The following CTNNA3 variants were observed in gnomAD, a reference collection of about 807,000 sequenced individuals.
CTNNA3 encodes the protein catenin alpha 3.
In CTNNA3, 76 loss-of-function variants were observed where a neutral mutation model predicts 95.7. The observed-to-expected ratio is 0.79, with a 90% confidence interval of 0.66 to 0.96. The LOEUF (loss-of-function observed/expected upper bound fraction) is 0.96. CTNNA3 is among the 40% of genes least tolerant of loss of function. The pLI is 0.00. For synonymous variants in CTNNA3, 431 were observed against 374.4 expected, an observed-to-expected ratio of 1.15 and a Z score of -1.74; for missense variants, 1,191 against 1,089.8, an observed-to-expected ratio of 1.09 and a Z score of -1.31.
At chr10:66,393,881 A>C (rs192179619) in intron 11 of CTNNA3, among the ~76,000 whole-genome samples, 1 of 152,140 alleles carries the variant, frequency 6.6e-6, no homozygotes, top group Admixed American at 6.6e-5. Flanking sequence ...TCATAACTCA[A>C]AATCAAGGTT....
At chr10:67,688,407 C>G (rs1840777692) in intron 1 of CTNNA3, among the ~76,000 whole-genome samples, 1 of 152,044 alleles carries the variant, frequency 6.6e-6, no homozygotes, top group Non-Finnish European at 1.5e-5. Context: ...GCTGAGAGGT[C>G]CTCCTGTGGG....
intron 7 of CTNNA3, among the ~76,000 whole-genome samples, chr10:66,924,426 T>C (rs1314963513): frequency 6.6e-6 from 1 of 152,190 alleles, no homozygotes; most frequent in Non-Finnish European, 1.5e-5. Flanking sequence ...TTAAATAAAA[T>C]GCCTCTACAT....
intron 13 of CTNNA3, among the ~76,000 whole-genome samples, chr10:66,156,654 G>C (rs919730803): frequency 6.6e-6 from 1 of 151,838 alleles, no homozygotes; most frequent in Non-Finnish European, 1.5e-5. Flanking sequence ...CATATAGAAA[G>C]ATAGAGGAGA....
chr10:67,343,163 C>G (rs1342139289), intron 5 of CTNNA3, among the ~76,000 whole-genome samples: 4 of 152,278 alleles, frequency 2.6e-5, no homozygotes, highest in East Asian at 1.9e-4. Context: ...GTTGGCCAGG[C>G]TGGTCTCGAA....
chr10:66,363,535 CTG>C (rs1203786973), intron 12 of CTNNA3, among the ~76,000 whole-genome samples: 1 of 152,154 alleles, frequency 6.6e-6, no homozygotes, highest in African/African-American at 2.4e-5. Flanking sequence ...CCTCCAGAGA[CTG>C]TGAAAAATAA....
chr10:67,361,699 T>C lies in CTNNA3; in HGVS notation c.580-141829A>G, dbSNP rs554773586. ...AAGATCTCAAATTAACAATCTAACA[T>C]TGCAACTATGGGAACTAGAAAAAAC... On this transcript the variant is annotated intron_variant, in intron 5 of 17. Coordinates refer to ENST00000433211, the MANE Select transcript of CTNNA3 (RefSeq NM_013266.4). Among the ~76,000 whole-genome samples the C allele has an allele frequency of 1.5e-4, 23 of 152,178 alleles. 1 individual carries two copies. In the South Asian group the frequency reaches 4.8e-3, roughly 32 times the overall value.
intron 7 of CTNNA3, among the ~76,000 whole-genome samples, chr10:66,777,609 A>G (rs1840355159): frequency 6.6e-6 from 1 of 152,118 alleles, no homozygotes; most frequent in Non-Finnish European, 1.5e-5. Context: ...CAGATACACA[A>G]TGAGCTCTCA....
intron 3 of CTNNA3, among the ~76,000 whole-genome samples, chr10:67,599,243 G>A (rs1372988430): frequency 6.6e-6 from 1 of 152,124 alleles, no homozygotes; most frequent in Non-Finnish European, 1.5e-5. Flanking sequence ...ACTCTTCCAA[G>A]GAAAATAAAA....
At chr10:67,349,545 CA>C (rs1435631948) in intron 5 of CTNNA3, among the ~76,000 whole-genome samples, 3 of 151,778 alleles carry the variant, frequency 2.0e-5, no homozygotes, top group Non-Finnish European at 4.4e-5. Context: ...GCCAGGGACT[CA>C]AGGGAGAAGA....
At chr10:67,639,911 G>A (rs1386808407) in intron 2 of CTNNA3, among the ~76,000 whole-genome samples, 4 of 152,080 alleles carry the variant, frequency 2.6e-5, no homozygotes, top group East Asian at 3.9e-4. Flanking sequence ...TACTGAATGG[G>A]CAAAAACTGG....
At chr10:66,177,504 C>A (rs539836157) in intron 13 of CTNNA3, among the ~76,000 whole-genome samples, 34 of 151,524 alleles carry the variant, frequency 2.2e-4, no homozygotes, top group African/African-American at 8.2e-4. Flanking sequence ...AAAAAGAGAC[C>A]AATATAATCT....
intron 1 of CTNNA3, among the ~76,000 whole-genome samples, chr10:67,702,281 A>G (rs1841045795): frequency 6.6e-6 from 1 of 152,182 alleles, no homozygotes; most frequent in South Asian, 2.1e-4. Context: ...CGGACCTAAT[A>G]GACATCTACA....
intron 9 of CTNNA3, among the ~76,000 whole-genome samples, chr10:66,658,505 A>C (rs1470422900): frequency 6.6e-6 from 1 of 152,190 alleles, no homozygotes; most frequent in Non-Finnish European, 1.5e-5. Context: ...CAGTGAAAAT[A>C]TAAGAGAGGA....
rs1564674977 is a variant in CTNNA3, at chr10:66,775,426, ATC to A, written c.1128+16_1128+17del. On this transcript the variant is annotated intron_variant, in intron 8 of 17. Coordinates refer to ENST00000433211, the MANE Select transcript of CTNNA3 (RefSeq NM_013266.4). ...TTAGCCCCTATGTTTCTGACTCCAT[ATC>A]TCTCTCTTCCCTCACCTGTCTGCGA... 1.9e-6 allele frequency: 3 copies of A among 1,555,880 alleles called. No individual in the cohort carries two copies. The highest frequency in any genetic ancestry group is 3.5e-5 in the Admixed American group (2 of 56,944).
intron 12 of CTNNA3, among the ~76,000 whole-genome samples, chr10:66,357,153 T>G (rs2092617485): frequency 6.6e-6 from 1 of 152,170 alleles, no homozygotes; most frequent in African/African-American, 2.4e-5. Context: ...CTTTTTAATT[T>G]TTTGAAATTA....
intron 7 of CTNNA3, among the ~76,000 whole-genome samples, chr10:67,013,512 G>T (rs945044503): frequency 7.2e-5 from 11 of 152,146 alleles, no homozygotes; most frequent in African/African-American, 2.7e-4. Context: ...TGTGCAAAAA[G>T]TCACATTAAA....
intron 12 of CTNNA3, among the ~76,000 whole-genome samples, chr10:66,361,720 T>C (rs948758081): frequency 2.6e-5 from 4 of 151,748 alleles, no homozygotes; most frequent in Non-Finnish European, 5.9e-5. Context: ...TAATTTTCTG[T>C]AGAGATGAGA....
intron 11 of CTNNA3, among the ~76,000 whole-genome samples, chr10:66,468,388 C>T (rs1013650856): frequency 6.6e-6 from 1 of 151,904 alleles, no homozygotes; most frequent in Non-Finnish European, 1.5e-5. Context: ...ATTTCCTGAA[C>T]TACATATTAA....
intron 13 of CTNNA3, among the ~76,000 whole-genome samples, chr10:66,268,024 G>C (rs965613861): frequency 2.0e-5 from 3 of 152,042 alleles, no homozygotes; most frequent in Non-Finnish European, 4.4e-5. Flanking sequence ...ATAAGCAAAA[G>C]ACTGTTTAAA....
Sources: allele counts gnomAD v4.1 joint callset (sites outside exome capture counted in the v4.1 genomes callset), GRCh38; gene constraint gnomAD v4.1.1; transcripts MANE v1.5; gene names NCBI Gene and HGNC (gene_info 2026-07-23, HGNC 2026-07-21).